The following SOX6 variants were observed in gnomAD, a reference collection of about 807,000 sequenced individuals.
SOX6 encodes SRY-box transcription factor 6.
SOX6 carries 11 observed loss-of-function variants against 97.8 expected under a neutral mutation model. That is an observed-to-expected ratio of 0.11 (90% CI 0.07 to 0.19). The LOEUF is 0.19. SOX6 is among the 10% of genes least tolerant of loss of function. The probability of loss-of-function intolerance (pLI) is 1.00; values close to 1 mark genes in which losing one functional copy is unlikely to be tolerated. For synonymous variants in SOX6, 360 were observed against 371.4 expected, an observed-to-expected ratio of 0.97 and a Z score of 0.35; for missense variants, 810 against 1,039.5, an observed-to-expected ratio of 0.78 and a Z score of 3.04.
chr11:16,396,925 G>A (rs1351048999), intron 1 of SOX6, among the ~76,000 whole-genome samples: 1 of 151,362 alleles, frequency 6.6e-6, no homozygotes, highest in Non-Finnish European at 1.5e-5. Flanking sequence ...GCTGTCTTTA[G>A]AAAAGTCCTT....
chr11:16,265,305 C>T (rs764343232), intron 3 of SOX6, among the ~76,000 whole-genome samples: 14 of 151,828 alleles, frequency 9.2e-5, no homozygotes, highest in Admixed American at 5.3e-4. Flanking sequence ...CACTAGCCAA[C>T]GTGGAAATAG....
chr11:16,725,037 A>T (rs556226096), intron 2 of SOX6, among the ~76,000 whole-genome samples: 1 of 152,346 alleles, frequency 6.6e-6, no homozygotes, highest in South Asian at 2.1e-4. Flanking sequence ...ATTGGAAACA[A>T]AGTCACACAA....
chr11:16,532,659 C>T (rs765756189), intron 4 of SOX6, among the ~76,000 whole-genome samples: 1 of 151,754 alleles, frequency 6.6e-6, no homozygotes, highest in African/African-American at 2.4e-5. Context: ...AAAAACAGAC[C>T]TAGTCATAAT....
intron 1 of SOX6, among the ~76,000 whole-genome samples, chr11:16,447,183 C>T (rs555723533): frequency 1.3e-5 from 2 of 152,008 alleles, no homozygotes; most frequent in Non-Finnish European, 2.9e-5. Flanking sequence ...CAACTCTTCA[C>T]AAAAAATTAA....
chr11:16,067,937 GAAA>G (rs1296252058), intron 9 of SOX6, among the ~76,000 whole-genome samples: 1 of 152,140 alleles, frequency 6.6e-6, no homozygotes, highest in Non-Finnish European at 1.5e-5. Flanking sequence ...CAGTGCTACT[GAAA>G]GACATTATCT....
intron 1 of SOX6, among the ~76,000 whole-genome samples, chr11:16,377,918 A>C: frequency 6.6e-6 from 1 of 152,200 alleles, no homozygotes; most frequent in Non-Finnish European, 1.5e-5. Context: ...TACGGTTTCA[A>C]ACTGTTGGGC....
intron 3 of SOX6, among the ~76,000 whole-genome samples, chr11:16,673,869 C>A (rs912778659): frequency 6.6e-6 from 1 of 152,100 alleles, no homozygotes; most frequent in Admixed American, 6.6e-5. Flanking sequence ...AAAATACTGG[C>A]AAACCAAATT....
intron 1 of SOX6, chr11:16,397,405 A>C (rs1376052984): frequency 6.6e-6 from 1 of 151,948 alleles, no homozygotes; most frequent in Non-Finnish European, 1.5e-5. Flanking sequence ...CAACATTCTA[A>C]TCATTTTAAA....
At chr11:16,094,856 A>G (rs1169639423) in intron 9 of SOX6, among the ~76,000 whole-genome samples, 1 of 151,922 alleles carries the variant, frequency 6.6e-6, no homozygotes, top group Non-Finnish European at 1.5e-5. Flanking sequence ...GGAGGCAGTT[A>G]ACAAGCTCTG....
At chr11:16,309,007 A>G (rs1403677254) in intron 3 of SOX6, among the ~76,000 whole-genome samples, 1 of 152,260 alleles carries the variant, frequency 6.6e-6, no homozygotes, top group Non-Finnish European at 1.5e-5. Context: ...ACCAAAAGGT[A>G]TAGACAGTTA....
chr11:16,418,561 C>T lies in SOX6; in HGVS notation c.-5+57754G>A, dbSNP rs184061465. On this transcript the variant is annotated intron_variant, in intron 1 of 15. Coordinates refer to the SOX6 transcript ENST00000396356. Reference sequence around the variant, plus strand: ...GGGAAGAAGTAACAAATGTCTAGCTCGAGGCCGACTTCAATCTGGCAGAGT... The same window carrying T: ...GGGAAGAAGTAACAAATGTCTAGCTTGAGGCCGACTTCAATCTGGCAGAGT... Among the ~76,000 whole-genome samples the T allele has an allele frequency of 4.6e-3, 706 of 152,174 alleles. 8 individuals carry two copies. The highest frequency in any genetic ancestry group is 0.016 in the African/African-American group (667 of 41,526).
chr11:16,728,959 C>T (rs752541172), intron 2 of SOX6, among the ~76,000 whole-genome samples: 20 of 151,842 alleles, frequency 1.3e-4, no homozygotes, highest in Non-Finnish European at 2.5e-4. Flanking sequence ...CCCAAACTGA[C>T]GAAGCAGAAG....
intron 4 of SOX6, among the ~76,000 whole-genome samples, chr11:16,598,464 T>C (rs1267713303): frequency 6.6e-6 from 1 of 152,064 alleles, no homozygotes; most frequent in Non-Finnish European, 1.5e-5. Flanking sequence ...ACACCTAAGT[T>C]TCTCCACCTA....
intron 4 of SOX6, among the ~76,000 whole-genome samples, chr11:16,224,018 C>G (rs1852616736): frequency 6.6e-6 from 1 of 151,676 alleles, no homozygotes; most frequent in Non-Finnish European, 1.5e-5. Flanking sequence ...TACTTTAAAC[C>G]AATTTTGCCT....
chr11:16,128,117 T>C (rs914257499), intron 6 of SOX6, among the ~76,000 whole-genome samples: 5 of 152,188 alleles, frequency 3.3e-5, no homozygotes, highest in African/African-American at 9.6e-5. Flanking sequence ...GAAAAGCATA[T>C]AGAAGTCTTA....
chr11:16,190,574 A>G (rs1380625328), intron 4 of SOX6, among the ~76,000 whole-genome samples: 1 of 152,214 alleles, frequency 6.6e-6, no homozygotes, highest in Non-Finnish European at 1.5e-5. Context: ...CATTTTACAT[A>G]AGGAACTTGA....
At chr11:16,266,589 A>G (rs1283723897) in intron 3 of SOX6, among the ~76,000 whole-genome samples, 1 of 151,572 alleles carries the variant, frequency 6.6e-6, no homozygotes, top group African/African-American at 2.4e-5. Context: ...AAGAATATCA[A>G]TGTATTTTAA....
At chr11:16,730,806 G>A (rs1237342465) in intron 2 of SOX6, among the ~76,000 whole-genome samples, 1 of 152,090 alleles carries the variant, frequency 6.6e-6, no homozygotes, top group African/African-American at 2.4e-5. Context: ...AATAAATCCA[G>A]GAGCTGATTT....
chr11:16,258,604 T>C (rs1381360776), intron 3 of SOX6, among the ~76,000 whole-genome samples: 1 of 151,930 alleles, frequency 6.6e-6, no homozygotes, highest in Non-Finnish European at 1.5e-5. Context: ...GTAGTGAAAC[T>C]ATTCTGTATG....
Sources: allele counts gnomAD v4.1 joint callset (sites outside exome capture counted in the v4.1 genomes callset), GRCh38; gene constraint gnomAD v4.1.1; transcripts MANE v1.5; gene names NCBI Gene and HGNC (gene_info 2026-07-23, HGNC 2026-07-21).